The following CYP19A1 variants were observed in gnomAD, a reference collection of about 807,000 sequenced individuals.
CYP19A1 encodes the protein aromatase.
A neutral mutation model predicts 44.4 loss-of-function variants in CYP19A1; 32 were observed. The ratio of observed to expected loss-of-function variants is 0.72; its 90% CI spans 0.54 to 0.97. CYP19A1 has a LOEUF of 0.97. CYP19A1 is among the 50% of genes least tolerant of loss of function. CYP19A1 has a pLI of 0.00. For synonymous variants in CYP19A1, 212 were observed against 215.6 expected, an observed-to-expected ratio of 0.98 and a Z score of 0.14; for missense variants, 598 against 637.8, an observed-to-expected ratio of 0.94 and a Z score of 0.67.
chr15:51,316,491 T>C (rs2036428758), intron 1 of CYP19A1, among the ~76,000 whole-genome samples: 1 of 151,832 alleles, frequency 6.6e-6, no homozygotes, highest in South Asian at 2.1e-4. Flanking sequence ...TCTTAGTGAG[T>C]TTTTATATTT....
intron 3 of CYP19A1, among the ~76,000 whole-genome samples, chr15:51,233,672 T>C (rs1258384036): frequency 6.6e-6 from 1 of 152,184 alleles, no homozygotes; most frequent in Admixed American, 6.5e-5. Flanking sequence ...CCCTAATTAG[T>C]ATGTTAATTG....
At chr15:51,321,130 A>T (rs2141022050) in intron 1 of CYP19A1, 1 of 152,682 alleles carries the variant, frequency 6.5e-6, no homozygotes, top group Middle Eastern at 3.4e-3. Flanking sequence ...TCTCTTGCCC[A>T]CACCCAAGCT....
chr15:51,300,148 G>C (rs2036082018), intron 1 of CYP19A1, among the ~76,000 whole-genome samples: 1 of 152,150 alleles, frequency 6.6e-6, no homozygotes, highest in African/African-American at 2.4e-5. Context: ...ACCCCAGTTT[G>C]AGTAAAACTC....
chr15:51,262,207 C>G (rs1040418407), intron 1 of CYP19A1, among the ~76,000 whole-genome samples: 1 of 152,196 alleles, frequency 6.6e-6, no homozygotes, highest in Non-Finnish European at 1.5e-5. Context: ...TAGCCAGAGC[C>G]CATCCCTTTG....
rs2031082869 is a variant in CYP19A1, at chr15:51,212,366, A to C, written c.1217T>G (p.Phe406Cys). The change falls in exon 9 of 10, where the codon TTT becomes TGT. Residue 406 changes from phenylalanine to cysteine, a missense_variant. Phe to Cys is a radical substitution (Grantham distance 205, BLOSUM62 -2). Transcript: ENST00000396402. ...LNIGRMHRLE[F>C]FPKPNEFTLE... ...AGTAAATTCATTGGGTTTGGGGAAA[A>C]ACTCGAGTCTGTGCATCCTTCCAAT... is the stretch of plus-strand genomic sequence containing the variant. 1 of 1,600,166 alleles carries C rather than the reference A, an allele frequency of 6.2e-7. No homozygotes were observed. The highest frequency in any genetic ancestry group is 1.7e-5 in the Admixed American group (1 of 59,992).
chr15:51,333,699 T>A (rs918047560), intron 1 of CYP19A1, among the ~76,000 whole-genome samples: 10 of 152,172 alleles, frequency 6.6e-5, no homozygotes, highest in African/African-American at 2.4e-4. Flanking sequence ...CAATAAAAGG[T>A]AAGCTTCTCT....
At chr15:51,283,206 A>AT (rs1311008175) in intron 1 of CYP19A1, among the ~76,000 whole-genome samples, 1 of 149,936 alleles carries the variant, frequency 6.7e-6, no homozygotes, top group Non-Finnish European at 1.5e-5. Flanking sequence ...ACCGGAGGAA[A>AT]TTAAAGAAAG....
chr15:51,216,453 A>G (rs1272501263), intron 6 of CYP19A1, among the ~76,000 whole-genome samples: 1 of 152,084 alleles, frequency 6.6e-6, no homozygotes, highest in Non-Finnish European at 1.5e-5. Context: ...GAGTTTCACC[A>G]TGTTGGTCAG....
intron 1 of CYP19A1, among the ~76,000 whole-genome samples, chr15:51,301,149 T>A (rs1321845747): frequency 6.6e-6 from 1 of 152,188 alleles, no homozygotes; most frequent in Non-Finnish European, 1.5e-5. Context: ...TGAGGCAACC[T>A]ACTGGGGGCA....
chr15:51,231,988 T>C (rs2033073716), intron 3 of CYP19A1, among the ~76,000 whole-genome samples: 1 of 152,146 alleles, frequency 6.6e-6, no homozygotes, highest in African/African-American at 2.4e-5. Flanking sequence ...TAGCACACTC[T>C]TTCTCTTCCA....
chr15:51,332,356 C>T (rs1180081384), intron 1 of CYP19A1, among the ~76,000 whole-genome samples: 2 of 152,236 alleles, frequency 1.3e-5, no homozygotes, highest in African/African-American at 2.4e-5. Context: ...ACTTCCCACT[C>T]TCACACACCA....
rs28757099 is a variant in CYP19A1 at position 51,307,920 on chromosome 15, T to C, written c.-39+30575A>G. Among the ~76,000 whole-genome samples, 838 of 152,324 alleles carry C rather than the reference T, an allele frequency of 5.5e-3. 11 individuals are homozygous for C. Among genetic ancestry groups the C allele is most frequent in the African/African-American group, 0.019 (807 of 41,566 alleles). On this transcript the variant is annotated intron_variant, in intron 1 of 9. Coordinates refer to ENST00000396402, the MANE Select transcript of CYP19A1 (RefSeq NM_000103.4). ...GCTAAGAGTTAACGTTTATTGAGCA[T>C]CTACAGTATACCAAGCCCTCTTCTA...
intron 1 of CYP19A1, among the ~76,000 whole-genome samples, chr15:51,283,209 A>G (rs1279389271): frequency 8.0e-6 from 1 of 124,442 alleles, no homozygotes; most frequent in Admixed American, 7.7e-5. Context: ...GGAGGAAATT[A>G]AAGAAAGGGA....
intron 1 of CYP19A1, among the ~76,000 whole-genome samples, chr15:51,291,442 C>T (rs2140988003): frequency 6.6e-6 from 1 of 152,150 alleles, no homozygotes; most frequent in South Asian, 2.1e-4. Flanking sequence ...GGAAGGAGAC[C>T]AGCATTTGAC....
At chr15:51,277,009 A>G (rs1214835429) in intron 1 of CYP19A1, 1 of 151,940 alleles carries the variant, frequency 6.6e-6, no homozygotes, top group Non-Finnish European at 1.5e-5. Context: ...CACCTCTGAA[A>G]GGGCACAAAA....
chr15:51,317,502 T>C (rs1461771742), intron 1 of CYP19A1, among the ~76,000 whole-genome samples: 1 of 152,214 alleles, frequency 6.6e-6, no homozygotes, highest in Non-Finnish European at 1.5e-5. Flanking sequence ...ATCTGCTTTA[T>C]GCAAGCCCCT....
At chr15:51,260,043 G>A (rs987125729) in intron 1 of CYP19A1, among the ~76,000 whole-genome samples, 14 of 152,196 alleles carry the variant, frequency 9.2e-5, no homozygotes, top group African/African-American at 2.4e-4. Flanking sequence ...ATAAAATGCC[G>A]CAGGAAAGGC....
intron 1 of CYP19A1, among the ~76,000 whole-genome samples, chr15:51,329,249 C>T (rs1027238087): frequency 6.6e-6 from 1 of 152,062 alleles, no homozygotes; most frequent in African/African-American, 2.4e-5. Context: ...GCCCTTGGTT[C>T]ACACTGAGAT....
chr15:51,241,979 T>C (rs538605814), intron 2 of CYP19A1, among the ~76,000 whole-genome samples: 1 of 152,218 alleles, frequency 6.6e-6, no homozygotes, highest in Non-Finnish European at 1.5e-5. Context: ...GTGTCTGCAA[T>C]GAAGCATTTT....
Sources: gnomAD v4.1 joint callset for allele counts (sites outside exome capture counted in the v4.1 genomes callset) on GRCh38, gnomAD v4.1.1 for gene constraint, MANE v1.5 for transcripts, NCBI Gene and HGNC (gene_info 2026-07-23, HGNC 2026-07-21) for gene names.